Variants in DBH observed in about 807,000 individuals in gnomAD.
DBH encodes the protein dopamine beta-hydroxylase (dopamine beta-monooxygenase).
A neutral mutation model predicts 64.0 loss-of-function variants in DBH; 49 were observed. That is an observed-to-expected ratio of 0.77 (90% confidence interval 0.61 to 0.97). The LOEUF is 0.97. Ranked by LOEUF, DBH falls within the 50% of genes least tolerant of loss-of-function variation. The probability of loss-of-function intolerance (pLI) is 0.00; values close to 1 mark genes in which losing one functional copy is unlikely to be tolerated. For synonymous variants in DBH, 343 were observed against 347.1 expected, an observed-to-expected ratio of 0.99 and a Z score of 0.13; for missense variants, 828 against 826.6, an observed-to-expected ratio of 1.00 and a Z score of -0.02.
intron 6 of DBH, 65 bp downstream of exon 6, chr9:133,648,077 A>C: frequency 6.5e-7 from 1 of 1,543,802 alleles, no homozygotes; most frequent in Non-Finnish European, 8.7e-7. Flanking sequence ...GAGGCCTGGC[A>C]GGTCGTGGCC....
At chr9:133,638,113 GGT>G (rs1371955525) in intron 1 of DBH, among the ~76,000 whole-genome samples, 17 of 152,364 alleles carry the variant, frequency 1.1e-4, no homozygotes, top group African/African-American at 4.1e-4. Context: ...GAGGAAGCCA[GGT>G]GACTTTGCCT....
intron 1 of DBH, among the ~76,000 whole-genome samples, chr9:133,637,588 C>T (rs1024982276): frequency 1.3e-5 from 2 of 152,210 alleles, no homozygotes; most frequent in East Asian, 3.8e-4. Flanking sequence ...CTGGGAGTGC[C>T]GAGCTGGAGC....
At chr9:133,656,677 G>GC (rs900228183) in intron 10 of DBH, 27 bp downstream of exon 10, 10 of 1,609,174 alleles carry the variant, frequency 6.2e-6, no homozygotes, top group Admixed American at 1.7e-5. Context: ...CAAGCTCCCT[G>GC]CCCCCAGGGA....
chr9:133,636,658 A>G lies in DBH; in HGVS notation c.287A>G (p.Glu96Gly), dbSNP rs778637310. Residue 96 changes from glutamate to glycine, a missense_variant, in exon 1 of 12, where the codon GAG (glutamate) becomes GGG (glycine). Glu to Gly is a moderately conservative substitution (Grantham distance 98). Transcript: ENST00000393056. Reference protein sequence around the residue: ...LFGMSDRGELENADLVVLWTD... With the variant: ...LFGMSDRGELGNADLVVLWTD... ...GGGATGTCCGACCGTGGCGAGCTTG[A>G]GAACGCAGATCTCGTGGTGCTCTGG... 6 of 1,611,200 alleles carry G rather than the reference A, an allele frequency of 3.7e-6. No individual in the cohort carries two copies. Among genetic ancestry groups the G allele is most frequent in the Non-Finnish European group, 5.1e-6 (6 of 1,179,984 alleles).
At chr9:133,644,539 C>T (rs564365732) in intron 5 of DBH, among the ~76,000 whole-genome samples, 4 of 152,376 alleles carry the variant, frequency 2.6e-5, no homozygotes, top group East Asian at 3.9e-4. Context: ...CACAGCTTCG[C>T]CAGGGCCCAG....
At position 133,643,649 on chromosome 9, in the gene DBH, C is replaced by G; in HGVS notation, c.921+60C>G. On this transcript the variant is annotated intron_variant, in intron 4 of 11. Coordinates refer to ENST00000393056, the MANE Select transcript of DBH (RefSeq NM_000787.4). This position sits in a 1 kb window ranked among gnomAD's most constrained non-coding sequence, Gnocchi z 5.3. Reference sequence around the variant, plus strand: ...GCCTGGGCCCCTGGCATCCCCACACCTCTGTTTCCCCAGCTTCACCGTCTC... The same window carrying G: ...GCCTGGGCCCCTGGCATCCCCACACGTCTGTTTCCCCAGCTTCACCGTCTC... 1 of 1,582,514 alleles carries G rather than the reference C, an allele frequency of 6.3e-7. No homozygotes were observed. The highest frequency in any genetic ancestry group is 1.3e-5 in the African/African-American group (1 of 74,322).
At chr9:133,657,026 C>A (rs1832330787) in intron 10 of DBH, 44 bp from the exon 11 acceptor site, 1 of 1,610,838 alleles carries the variant, frequency 6.2e-7, no homozygotes, top group African/African-American at 1.3e-5. Context: ...GGGCTCCCTG[C>A]CCGTCAGCTG....
intron 3 of DBH, among the ~76,000 whole-genome samples, chr9:133,642,708 C>A (rs549222133): frequency 6.6e-6 from 1 of 152,306 alleles, no homozygotes; most frequent in Non-Finnish European, 1.5e-5. Flanking sequence ...ACCAAAGTGA[C>A]CAACATCTTG....
rs1275539733 is a variant in DBH, at chr9:133,642,195, T to C, written c.487-12T>C. 6.2e-7 allele frequency: 1 copy of C among 1,612,380 alleles called. No individual in the cohort carries two copies. Among genetic ancestry groups the C allele is most frequent in the Non-Finnish European group, 8.5e-7 (1 of 1,179,964 alleles). On this transcript the variant is annotated splice_polypyrimidine_tract_variant and intron_variant, in intron 2 of 11. Transcript: ENST00000393056. ...TGAGAGGGCGACCAGCTGAACCCTG[T>C]CTCGGCTGCAGGACGGCACTGTCCA...
chr9:133,658,059 A>T (rs1832358251), intron 11 of DBH, among the ~76,000 whole-genome samples: 1 of 151,958 alleles, frequency 6.6e-6, no homozygotes, highest in Admixed American at 6.6e-5. Flanking sequence ...GTGAATGATT[A>T]AATTGGGTGG....
chr9:133,653,519 C>G (rs1832276372), intron 9 of DBH, among the ~76,000 whole-genome samples: 1 of 152,102 alleles, frequency 6.6e-6, no homozygotes, highest in Admixed American at 6.6e-5. Flanking sequence ...GTGGCTGTCA[C>G]ATGGAGCCCA....
intron 8 of DBH, 57 bp from the exon 9 acceptor site, chr9:133,652,883 C>T: frequency 7.4e-7 from 1 of 1,350,502 alleles, no homozygotes; most frequent in Non-Finnish European, 1.1e-6. Context: ...GGCGAGGCCT[C>T]CAGCACCTGC....
Position 133,659,150 on chromosome 9 carries a change from G to A in DBH, c.*703G>A, listed in dbSNP as rs928178012. The stretch of plus-strand genomic sequence containing the variant: ...GCACCAGCTTGCTTCTCTGCCGGTG[G>A]GGCCAGCGCTGAACAGACCGGGGTG... On this transcript the variant is annotated 3_prime_UTR_variant, in exon 12 of 12. Transcript: ENST00000393056. 10 of 152,228 alleles carry A rather than the reference G, an allele frequency of 6.6e-5. No homozygotes were observed. The highest frequency in any genetic ancestry group is 2.4e-4 in the African/African-American group (10 of 41,456). The allele number at this position is 152,228 out of a possible 1,614,324, so 9.4% of individuals were successfully genotyped here.
intron 8 of DBH, 126 bp downstream of exon 8, chr9:133,652,410 A>AG: frequency 8.6e-7 from 1 of 1,164,182 alleles, no homozygotes; most frequent in Non-Finnish European, 1.3e-6. Context: ...CATCCAGGGC[A>AG]GGGGGAGGGT....
intron 5 of DBH, among the ~76,000 whole-genome samples, chr9:133,644,991 G>T (rs183932049): frequency 6.6e-6 from 1 of 151,962 alleles, no homozygotes; most frequent in Non-Finnish European, 1.5e-5. Context: ...ACATATGCAC[G>T]CAGAAGCACA....
chr9:133,640,951 G>A (rs924063982), intron 2 of DBH, among the ~76,000 whole-genome samples: 4 of 152,216 alleles, frequency 2.6e-5, no homozygotes, highest in African/African-American at 9.7e-5. Context: ...GGCCGGGGTG[G>A]TCTCTAGTTG....
At chr9:133,644,545 C>A (rs531733101) in intron 5 of DBH, among the ~76,000 whole-genome samples, 1 of 152,238 alleles carries the variant, frequency 6.6e-6, no homozygotes, top group Non-Finnish European at 1.5e-5. Context: ...TTCGCCAGGG[C>A]CCAGCAGTGG....
chr9:133,658,376 C>T lies in DBH; in HGVS notation c.1783C>T (p.Gln595Ter). ...VISTLEEPTP[Q>*]CPTSQGRSPA... is the part of the protein sequence containing the mutation. ...CTCCACACTGGAAGAGCCCACCCCA[C>T]AGTGCCCCACCAGCCAGGGCCGAAG... Residue 595 changes from glutamine (Q) to a stop codon, truncating the protein, a stop_gained, in exon 12 of 12, where the codon CAG (glutamine) becomes TAG (stop). Coordinates refer to ENST00000393056, the MANE Select transcript of DBH (RefSeq NM_000787.4). LOFTEE classifies it low-confidence loss of function (END_TRUNC). The T allele has an allele frequency of 6.2e-7, 1 of 1,613,968 alleles. No homozygotes were observed. Among genetic ancestry groups the T allele is most frequent in the South Asian group, 1.1e-5 (1 of 91,066 alleles).
rs143743431 is a variant in DBH at position 133,651,648 on chromosome 9, C to A, written c.1206C>A (p.Ser402=). 71 of 1,613,744 alleles carry A rather than the reference C, an allele frequency of 4.4e-5. No homozygotes were observed. The African/African-American group carries it at 9.5e-4, about 22-fold the overall frequency. ...DKCTQLALPP[S]GIHIFASQLH... Reference sequence around the variant, plus strand: ...CGACCCCACAGGCACTGCCTCCCTCCGGGATCCACATCTTCGCCTCTCAGC... The same window carrying A: ...CGACCCCACAGGCACTGCCTCCCTCAGGGATCCACATCTTCGCCTCTCAGC... Residue 402 remains serine (S), a synonymous_variant, in exon 7 of 12, where the codon TCC becomes TCA. Transcript: ENST00000393056.
Sources: gnomAD v4.1 joint callset for allele counts (sites outside exome capture counted in the v4.1 genomes callset) on GRCh38, gnomAD v4.1.1 for gene constraint, Gnocchi (gnomAD v3.1) non-coding constraint, MANE v1.5 for transcripts, NCBI Gene and HGNC (gene_info 2026-07-23, HGNC 2026-07-21) for gene names.